The following FBXL17 variants were observed in gnomAD, a reference collection of about 807,000 sequenced individuals.
FBXL17 encodes F-box and leucine rich repeat protein 17.
A neutral mutation model predicts 66.2 loss-of-function variants in FBXL17; 22 were observed. That is an observed-to-expected ratio of 0.33 (90% CI 0.24 to 0.47). The LOEUF is 0.47. FBXL17 is among the 20% of genes least tolerant of loss of function. The pLI is 1.00. For synonymous variants in FBXL17, 474 were observed against 400.5 expected (o/e 1.18, Z -2.19); for missense variants, 878 against 948.2 (o/e 0.93, Z 0.97).
At chr5:108,133,853 G>A (rs929135844) in intron 6 of FBXL17, among the ~76,000 whole-genome samples, 1 of 151,994 alleles carries the variant, frequency 6.6e-6, no homozygotes, top group African/African-American at 2.4e-5. Flanking sequence ...AGTCAAATGA[G>A]TTGGCACACG....
chr5:108,204,913 A>AT (rs544729527), intron 5 of FBXL17, among the ~76,000 whole-genome samples: 1,795 of 151,044 alleles, frequency 0.012, 33 homozygotes, highest in African/African-American at 0.04. Context: ...AATATTTTGC[A>AT]TTTTTTTTTC....
chr5:107,983,929 G>A (rs878959491), intron 7 of FBXL17, among the ~76,000 whole-genome samples: 4 of 152,036 alleles, frequency 2.6e-5, no homozygotes, highest in Admixed American at 1.3e-4. Context: ...TTGGTTTTAC[G>A]TGTTTTGCAG....
At chr5:108,189,266 G>GTA (rs1481610723) in intron 5 of FBXL17, among the ~76,000 whole-genome samples, 4 of 137,882 alleles carry the variant, frequency 2.9e-5, no homozygotes, top group Non-Finnish European at 4.7e-5. Context: ...ACAAGCTCAT[G>GTA]TAGTTGCTGG....
chr5:108,129,382 T>A (rs1481964501), intron 6 of FBXL17, among the ~76,000 whole-genome samples: 1 of 152,066 alleles, frequency 6.6e-6, no homozygotes. Context: ...ATACACATAT[T>A]TCTAAGGAAT....
At chr5:107,963,935 AAAATCCTTT>A (rs1752020689) in intron 7 of FBXL17, among the ~76,000 whole-genome samples, 1 of 152,170 alleles carries the variant, frequency 6.6e-6, no homozygotes, top group Non-Finnish European at 1.5e-5. Flanking sequence ...AGAACATCTA[AAAATCCTTT>A]AAATATTTCT....
chr5:108,097,645 C>T (rs555016580), intron 6 of FBXL17, among the ~76,000 whole-genome samples: 71 of 151,796 alleles, frequency 4.7e-4, no homozygotes, highest in African/African-American at 1.6e-3. Context: ...AAAAATTAGC[C>T]GGGCGTGGTG....
At chr5:108,001,759 C>A (rs888834389) in intron 7 of FBXL17, among the ~76,000 whole-genome samples, 1 of 151,896 alleles carries the variant, frequency 6.6e-6, no homozygotes, top group Non-Finnish European at 1.5e-5. Flanking sequence ...CTGGGCCTCC[C>A]AAAGTGTTGG....
chr5:107,868,172 A>G (rs1477145913), intron 8 of FBXL17, among the ~76,000 whole-genome samples: 1 of 152,212 alleles, frequency 6.6e-6, no homozygotes. Flanking sequence ...TCAGGACCCC[A>G]GCACACAGTG....
intron 6 of FBXL17, among the ~76,000 whole-genome samples, chr5:108,079,209 C>T (rs563345330): frequency 1.9e-4 from 29 of 151,116 alleles, no homozygotes; most frequent in Non-Finnish European, 3.1e-4. Context: ...TTTTAGCCAA[C>T]CTTCAGAGGA....
rs1419255967 is a variant in FBXL17, at chr5:107,971,141, T to A, written c.1822+49784A>T. Among the ~76,000 whole-genome samples, 3 of 152,294 alleles carry A rather than the reference T, an allele frequency of 2.0e-5. No homozygotes were observed. The East Asian group carries it at 5.8e-4, about 29-fold the overall frequency. ...AATGCAAATTACATTTGCTTACCGT[T>A]TCTTTCTGGAAAACACCAGTTCAAC... On this transcript the variant is annotated intron_variant, in intron 7 of 8. Transcript: ENST00000542267.
At chr5:108,089,879 G>A (rs12513533) in intron 6 of FBXL17, among the ~76,000 whole-genome samples, 44,547 of 152,032 alleles carry the variant, frequency 0.29, 7,609 homozygotes, top group Admixed American at 0.4. Flanking sequence ...CCAGGCTGGA[G>A]TACAGTGGCA....
At chr5:107,862,708 C>T (rs889166062) in intron 8 of FBXL17, among the ~76,000 whole-genome samples, 8 of 152,118 alleles carry the variant, frequency 5.3e-5, no homozygotes, top group Admixed American at 4.6e-4. Flanking sequence ...TCATTTATAC[C>T]GAGTAAGCTA....
intron 4 of FBXL17, among the ~76,000 whole-genome samples, chr5:108,277,257 A>G (rs768430226): frequency 5.5e-4 from 84 of 152,270 alleles, no homozygotes; most frequent in Middle Eastern, 3.4e-3. Context: ...GCAGTTCACC[A>G]TATTTCTCCT....
intron 2 of FBXL17, among the ~76,000 whole-genome samples, chr5:108,366,930 A>C (rs1748705249): frequency 6.6e-6 from 1 of 152,104 alleles, no homozygotes; most frequent in Non-Finnish European, 1.5e-5. Context: ...AGCACCTCAC[A>C]AGAGTTTATA....
At chr5:108,172,109 C>G (rs986039143) in intron 6 of FBXL17, among the ~76,000 whole-genome samples, 3 of 152,174 alleles carry the variant, frequency 2.0e-5, no homozygotes, top group Non-Finnish European at 2.9e-5. Flanking sequence ...TGAAAACAGA[C>G]TAATATAGAT....
chr5:108,255,113 C>CACAT (rs906334586), intron 4 of FBXL17, among the ~76,000 whole-genome samples: 213 of 152,240 alleles, frequency 1.4e-3, no homozygotes, highest in African/African-American at 4.7e-3. Flanking sequence ...GACCTACATA[C>CACAT]ACATACATAC....
intron 6 of FBXL17, among the ~76,000 whole-genome samples, chr5:108,091,585 T>C (rs1749189391): frequency 6.6e-6 from 1 of 152,230 alleles, no homozygotes; most frequent in African/African-American, 2.4e-5. Flanking sequence ...GTTTGTTTTA[T>C]ATGAACCTTG....
intron 5 of FBXL17, among the ~76,000 whole-genome samples, chr5:108,202,619 T>G (rs945739102): frequency 1.3e-5 from 2 of 152,114 alleles, no homozygotes; most frequent in African/African-American, 2.4e-5. Context: ...TCCTATATAG[T>G]AACAGGTAGG....
In FBXL17 at chr5:108,381,079, G is replaced by A. The variant is rs1373053814; in HGVS notation, c.613C>T (p.Pro205Ser). ...MVCKRKGAGV[P>S]ACTPCKQPRC... ...GGCTGCTTGCAGGGGGTGCAGGCGG[G>A]GACCCCGGCCCCCTTCCGCTTGCAC... Residue 205 changes from proline to serine, a missense_variant, in exon 1 of 9, where the codon CCC becomes TCC. By Grantham distance (74) the Pro-to-Ser change is moderately conservative. This residue lies in a region of FBXL17 where 605 missense variants were observed against 509.5 expected (regional missense o/e 1.19). Coordinates refer to ENST00000542267, the MANE Select transcript of FBXL17 (RefSeq NM_001163315.3). The A allele has an allele frequency of 1.6e-6, 2 of 1,248,904 alleles. No individual in the cohort carries two copies. Among genetic ancestry groups the A allele is most frequent in the Non-Finnish European group, 2.0e-6 (2 of 997,356 alleles). The allele number at this position is 1,248,904 out of a possible 1,614,324, so 77.4% of individuals were successfully genotyped here.
Sources: allele counts gnomAD v4.1 joint callset (sites outside exome capture counted in the v4.1 genomes callset), GRCh38; gene constraint gnomAD v4.1.1; regional missense constraint gnomAD v4.1.1; transcripts MANE v1.5; gene names NCBI Gene and HGNC (gene_info 2026-07-23, HGNC 2026-07-21).